Variants in ZNF623 observed in about 807,000 individuals in gnomAD.
ZNF623 encodes zinc finger protein 623.
A neutral mutation model predicts 24.0 loss-of-function variants in ZNF623; 16 were observed. That is an observed-to-expected ratio of 0.67 (90% CI 0.45 to 1.01). The LOEUF is 1.01. ZNF623 is among the 50% of genes least tolerant of loss of function. The pLI is 0.00. For synonymous variants in ZNF623, 224 were observed against 219.8 expected (o/e 1.02, Z -0.17); for missense variants, 566 against 606.5 (o/e 0.93, Z 0.70).
intron 1 of ZNF623, among the ~76,000 whole-genome samples, chr8:143,637,094 G>A (rs1814941392): frequency 6.6e-6 from 1 of 152,226 alleles, no homozygotes; most frequent in Non-Finnish European, 1.5e-5. Context: ...AAATGGCCTG[G>A]GTGGGGCGGG....
chr8:143,644,840 A>C (rs956114488), intron 1 of ZNF623, among the ~76,000 whole-genome samples: 1 of 151,714 alleles, frequency 6.6e-6, no homozygotes, highest in Non-Finnish European at 1.5e-5. Flanking sequence ...AAAAAAAAAA[A>C]AAAAAAGCCC....
intron 1 of ZNF623, among the ~76,000 whole-genome samples, chr8:143,637,194 G>C (rs1814944760): frequency 1.3e-5 from 2 of 152,248 alleles, no homozygotes; most frequent in Admixed American, 1.3e-4. Flanking sequence ...AGGAACAGAA[G>C]CGCTCCCTGC....
At chr8:143,643,796 A>G (rs192599971) in intron 1 of ZNF623, among the ~76,000 whole-genome samples, 1 of 152,078 alleles carries the variant, frequency 6.6e-6, no homozygotes, top group Non-Finnish European at 1.5e-5. Flanking sequence ...TGTGAGGTCC[A>G]CCTGTGCTTT....
intron 1 of ZNF623, among the ~76,000 whole-genome samples, chr8:143,639,221 A>G (rs1316876525): frequency 7.2e-6 from 1 of 138,106 alleles, no homozygotes; most frequent in Non-Finnish European, 1.6e-5. Context: ...TTTTATTTTT[A>G]TTTATTTATT....
Position 143,642,084 on chromosome 8 carries a change from C to T in ZNF623, c.-96+5939C>T, listed in dbSNP as rs566341537. 2.6e-5 allele frequency among the ~76,000 whole-genome samples: 4 copies of T among 152,310 alleles called. No individual in the cohort carries two copies. In the South Asian group the frequency reaches 6.2e-4, roughly 24 times the overall value. On this transcript the variant is annotated intron_variant, in intron 1 of 1. Coordinates refer to ENST00000526926, the MANE Select transcript of ZNF623 (RefSeq NM_001261843.2). ...GATGCCATCTTCTTCCAATAGAAAG[C>T]GGTTTTATCCACACTGAAAATCTTT...
rs747344804 is a variant in ZNF623 at position 143,651,471 on chromosome 8, A to C, written c.1479A>C (p.Thr493=). 5.1e-6 allele frequency: 8 copies of C among 1,566,824 alleles called. No individual in the cohort carries two copies. The East Asian group carries it at 1.8e-4, about 35-fold the overall frequency. ...GERSVDKGEH[T]GNL The stretch of plus-strand genomic sequence containing the variant: ...GGTCTGTAGATAAGGGGGAACACAC[A>C]GGTAACTTATAAAATAATTACTTTC... The change falls in exon 2 of 2, where the codon ACA becomes ACC. Residue 493 remains threonine (T), a synonymous_variant. Coordinates refer to ENST00000526926, the MANE Select transcript of ZNF623 (RefSeq NM_001261843.2).
At position 143,650,151 on chromosome 8, in the gene ZNF623, A is replaced by T. The variant is rs1473861701; in HGVS notation, c.159A>T (p.Thr53=). ...ATTGGAAGATCCAGACAGGAGAGAC[A>T]GCTCAAGTGTGCACCAAGTCAGGAA... ...VTHWKIQTGE[T]AQVCTKSGRN... Residue 53 remains threonine (T), a synonymous_variant, in exon 2 of 2, where the codon ACA becomes ACT. Coordinates refer to ENST00000526926, the MANE Select transcript of ZNF623 (RefSeq NM_001261843.2). The surrounding 1 kb of genome is among the most constrained non-coding windows in gnomAD (Gnocchi z 5.2). 3 of 1,614,126 alleles carry T rather than the reference A, an allele frequency of 1.9e-6. No individual in the cohort carries two copies. In the African/African-American group the frequency reaches 4.0e-5, roughly 22 times the overall value.
chr8:143,650,624 T>C lies in ZNF623; in HGVS notation c.632T>C (p.Ile211Thr), dbSNP rs763531108. The C allele has an allele frequency of 4.5e-5, 72 of 1,613,950 alleles. No homozygotes were observed. The highest frequency in any genetic ancestry group is 8.0e-5 in the African/African-American group (6 of 74,864). ...GKGFSQSSLL[I>T]RHQRIHTGER... Reference sequence around the variant, plus strand: ...GGCTTCAGTCAGAGCTCCTTACTTATTCGCCATCAGAGGATTCACACGGGA... The same window carrying C: ...GGCTTCAGTCAGAGCTCCTTACTTACTCGCCATCAGAGGATTCACACGGGA... The change falls in exon 2 of 2, where the codon ATT becomes ACT. Residue 211 changes from isoleucine to threonine, a missense_variant. By Grantham distance (89) the Ile-to-Thr change is moderately conservative. Around this residue, in one of 3 missense-constraint regions of ZNF623, gnomAD observed 313 missense variants for 300.4 expected, o/e 1.04. Coordinates refer to ENST00000526926, the MANE Select transcript of ZNF623 (RefSeq NM_001261843.2). This position sits in a 1 kb window ranked among gnomAD's most constrained non-coding sequence, Gnocchi z 5.2.
rs1815316813 is a variant in ZNF623, at chr8:143,651,444, G to C, written c.1452G>C (p.Glu484Asp). 1.2e-6 allele frequency: 2 copies of C among 1,601,182 alleles called. No individual in the cohort carries two copies. The highest frequency in any genetic ancestry group is 2.2e-5 in the East Asian group (1 of 44,800). Reference protein sequence around the residue: ...SLSKAPIHLGERSVDKGEHTG... With the variant: ...SLSKAPIHLGDRSVDKGEHTG... The stretch of plus-strand genomic sequence containing the variant: ...GTAAGGCCCCCATACATTTGGGTGA[G>C]AGGTCTGTAGATAAGGGGGAACACA... The change falls in exon 2 of 2, where the codon GAG becomes GAC. Residue 484 changes from glutamate to aspartate, a missense_variant. Physicochemically the swap from Glu to Asp is conservative, Grantham distance 45. Around this residue, in one of 3 missense-constraint regions of ZNF623, gnomAD observed 136 missense variants for 131.9 expected, o/e 1.03. Coordinates refer to ENST00000526926, the MANE Select transcript of ZNF623 (RefSeq NM_001261843.2).
At chr8:143,639,892 C>G (rs1191886893) in intron 1 of ZNF623, among the ~76,000 whole-genome samples, 2 of 152,190 alleles carry the variant, frequency 1.3e-5, no homozygotes, top group African/African-American at 4.8e-5. Flanking sequence ...CACATCACTT[C>G]CCTTCTCGCC....
At chr8:143,644,318 C>T (rs1404054818) in intron 1 of ZNF623, among the ~76,000 whole-genome samples, 2 of 152,152 alleles carry the variant, frequency 1.3e-5, no homozygotes, top group African/African-American at 4.8e-5. Context: ...GTACCTGGTG[C>T]AGCTCTGGTT....
intron 1 of ZNF623, among the ~76,000 whole-genome samples, chr8:143,648,302 A>C (rs1176714388): frequency 1.3e-5 from 2 of 152,074 alleles, no homozygotes; most frequent in African/African-American, 4.8e-5. Flanking sequence ...GATTCACATA[A>C]GGAGAGTGAC....
In ZNF623 at chr8:143,651,582, A is replaced by C; in HGVS notation, c.*99A>C. 7.1e-7 allele frequency: 1 copy of C among 1,409,280 alleles called. No individual in the cohort carries two copies. Among genetic ancestry groups the C allele is most frequent in the Non-Finnish European group, 9.6e-7 (1 of 1,042,896 alleles). The allele number at this position is 1,409,280 out of a possible 1,614,324, so 87.3% of individuals were successfully genotyped here. ...TGGACATGTCAGAATTTTGTGAGTC[A>C]TGGATGGGGCTGCTTTTGCAGTGGG... On this transcript the variant is annotated 3_prime_UTR_variant, in exon 2 of 2. Coordinates refer to ENST00000526926, the MANE Select transcript of ZNF623 (RefSeq NM_001261843.2).
chr8:143,639,066 A>G (rs1299785184), intron 1 of ZNF623, among the ~76,000 whole-genome samples: 1 of 151,568 alleles, frequency 6.6e-6, no homozygotes, highest in Non-Finnish European at 1.5e-5. Flanking sequence ...CTAATTTTGT[A>G]TTTTTAGTAG....
At chr8:143,644,997 G>A (rs978264419) in intron 1 of ZNF623, among the ~76,000 whole-genome samples, 43 of 151,996 alleles carry the variant, frequency 2.8e-4, no homozygotes, top group Middle Eastern at 3.4e-3. Flanking sequence ...GTGTGATGGC[G>A]CAAGCCTATA....
chr8:143,639,433 A>G (rs1005627140), intron 1 of ZNF623, among the ~76,000 whole-genome samples: 2 of 151,922 alleles, frequency 1.3e-5, no homozygotes, highest in Admixed American at 6.6e-5. Context: ...CATGTTGGTC[A>G]GGCTGGTCTC....
Position 143,636,120 on chromosome 8 carries a change from C to T in ZNF623, c.-121C>T, listed in dbSNP as rs1020166226. 5 of 152,150 alleles carry T rather than the reference C, an allele frequency of 3.3e-5. No individual in the cohort carries two copies. The highest frequency in any genetic ancestry group is 4.8e-5 in the African/African-American group (2 of 41,448). The allele number at this position is 152,150 out of a possible 1,614,324, so 9.4% of individuals were successfully genotyped here. ...GTCAGCGGCTGCAGGGTCGGGCTCGCGCCGTCCTCTCCCCGCCCGCGCCGG... is the reference window on the plus strand; with the variant it reads ...GTCAGCGGCTGCAGGGTCGGGCTCGTGCCGTCCTCTCCCCGCCCGCGCCGG... On this transcript the variant is annotated 5_prime_UTR_variant, in exon 1 of 2. Coordinates refer to ENST00000526926, the MANE Select transcript of ZNF623 (RefSeq NM_001261843.2).
chr8:143,638,644 A>C (rs1006421579), intron 1 of ZNF623, among the ~76,000 whole-genome samples: 2 of 151,836 alleles, frequency 1.3e-5, no homozygotes, highest in African/African-American at 4.8e-5. Flanking sequence ...AGGCTGAGGC[A>C]GGAGAATCGC....
At position 143,650,328 on chromosome 8, in the gene ZNF623, G is replaced by A. The variant is rs776317051; in HGVS notation, c.336G>A (p.Thr112=). 14 of 1,614,104 alleles carry A rather than the reference G, an allele frequency of 8.7e-6. No individual in the cohort carries two copies. The highest frequency in any genetic ancestry group is 3.3e-5 in the Admixed American group (2 of 60,008). ...RISHAGEKPY[T]CDQCGKGFGQ... ...CGCATGCTGGGGAGAAACCTTACAC[G>A]TGCGATCAGTGTGGGAAAGGCTTTG... Residue 112 remains threonine, a synonymous_variant, in exon 2 of 2, where the codon ACG becomes ACA. Coordinates refer to ENST00000526926, the MANE Select transcript of ZNF623 (RefSeq NM_001261843.2). The surrounding 1 kb of genome is among the most constrained non-coding windows in gnomAD (Gnocchi z 5.2).
Sources: allele counts gnomAD v4.1 joint callset (sites outside exome capture counted in the v4.1 genomes callset), GRCh38; gene constraint gnomAD v4.1.1; regional missense constraint gnomAD v4.1.1; non-coding constraint Gnocchi (gnomAD v3.1); transcripts MANE v1.5; gene names NCBI Gene and HGNC (gene_info 2026-07-23, HGNC 2026-07-21).